PYHIN1: variants seen among roughly 807,000 people sequenced by gnomAD.
PYHIN1 encodes pyrin and HIN domain family member 1.
In PYHIN1, 32 loss-of-function variants were observed where a neutral mutation model predicts 43.7. That is an observed-to-expected ratio of 0.73 (90% CI 0.55 to 0.98). The LOEUF (loss-of-function observed/expected upper bound fraction) is 0.98. PYHIN1 is among the 50% of genes least tolerant of loss of function. PYHIN1 has a pLI of 0.00. For synonymous variants in PYHIN1, 205 were observed against 203.1 expected (o/e 1.01, Z -0.08); for missense variants, 588 against 589.5 (o/e 1.00, Z 0.03).
Position 158,944,862 on chromosome 1 carries a change from T to G in PYHIN1, c.1192-13T>G. 1.3e-6 allele frequency: 2 copies of G among 1,529,480 alleles called. No homozygotes were observed. The highest frequency in any genetic ancestry group is 1.3e-5 in the South Asian group (1 of 78,116). 94.7% of individuals were successfully genotyped at this position (1,529,480 alleles called of 1,614,324 possible). A position where few individuals can be genotyped will look rare whatever the true frequency, so the allele number is the denominator to read the frequency against. On this transcript the variant is annotated splice_polypyrimidine_tract_variant and intron_variant, in intron 6 of 8. Transcript: ENST00000368140. The stretch of plus-strand genomic sequence containing the variant: ...TATTAAAAAACATTAAACAAAAAAA[T>G]GAATACTTTCAGATACAGAAAAATA...
chr1:158,958,537 A>G (rs1018687695), intron 7 of PYHIN1, among the ~76,000 whole-genome samples: 1 of 144,932 alleles, frequency 6.9e-6, no homozygotes, highest in Non-Finnish European at 1.5e-5. Flanking sequence ...ATTCTCACTC[A>G]TAGGTAGGAA....
At chr1:158,949,544 C>T (rs1649415460) in intron 7 of PYHIN1, among the ~76,000 whole-genome samples, 1 of 130,350 alleles carries the variant, frequency 7.7e-6, no homozygotes, top group Admixed American at 8.4e-5. Context: ...CCCCCCACCC[C>T]ACAACAGTCC....
At chr1:158,960,803 T>G (rs957731641) in intron 7 of PYHIN1, among the ~76,000 whole-genome samples, 5 of 152,260 alleles carry the variant, frequency 3.3e-5, no homozygotes, top group African/African-American at 1.2e-4. Flanking sequence ...TTTAATAATT[T>G]AAAATACTAG....
At chr1:158,961,707 C>A (rs1049576918) in intron 7 of PYHIN1, among the ~76,000 whole-genome samples, 13 of 152,072 alleles carry the variant, frequency 8.5e-5, no homozygotes, top group Non-Finnish European at 1.8e-4. Flanking sequence ...CAGGAGATAC[C>A]CCTATGAGAC....
chr1:158,958,507 C>T (rs531908823), intron 7 of PYHIN1, among the ~76,000 whole-genome samples: 131 of 144,986 alleles, frequency 9.0e-4, no homozygotes, highest in African/African-American at 3.0e-3. Context: ...ATCGCAAGAA[C>T]AAAAAACCAA....
intron 7 of PYHIN1, among the ~76,000 whole-genome samples, chr1:158,970,256 G>C (rs1557844297): frequency 1.3e-5 from 2 of 151,972 alleles, no homozygotes; most frequent in Non-Finnish European, 2.9e-5. Flanking sequence ...TTCTGCTTCT[G>C]TAATGAAAAT....
intron 7 of PYHIN1, among the ~76,000 whole-genome samples, chr1:158,965,364 C>T (rs1243739795): frequency 6.6e-6 from 1 of 152,060 alleles, no homozygotes; most frequent in Non-Finnish European, 1.5e-5. Flanking sequence ...CAAAGATATT[C>T]AGGAACTGCA....
chr1:158,952,632 G>A (rs1284158798), intron 7 of PYHIN1, among the ~76,000 whole-genome samples: 1 of 152,048 alleles, frequency 6.6e-6, no homozygotes, highest in African/African-American at 2.4e-5. Flanking sequence ...CCCTTTTTAG[G>A]CTCTTCTGGT....
chr1:158,978,707 A>G (rs1037434783), downstream of PYHIN1, among the ~76,000 whole-genome samples: 4 of 152,108 alleles, frequency 2.6e-5, no homozygotes. Flanking sequence ...CTGAAATTTT[A>G]ACTTCTAAGG....
At chr1:158,965,066 G>GAA (rs1005764786) in intron 7 of PYHIN1, among the ~76,000 whole-genome samples, 14 of 142,278 alleles carry the variant, frequency 9.8e-5, no homozygotes, top group African/African-American at 3.4e-4. Flanking sequence ...ATAGAAAGCA[G>GAA]AAAAAAAAAA....
At chr1:158,938,614 T>G (rs1648711719) in intron 3 of PYHIN1, 72 bp downstream of exon 3, 3 of 1,466,238 alleles carry the variant, frequency 2.0e-6, no homozygotes, top group Non-Finnish European at 2.8e-6. Flanking sequence ...CCACTCAATC[T>G]GTCCAGCAGG....
the PYHIN1 span, among the ~76,000 whole-genome samples, chr1:158,985,840 C>T: frequency 4.6e-5 from 7 of 152,058 alleles, no homozygotes; most frequent in East Asian, 1.9e-4. Flanking sequence ...CTTGAAGTTT[C>T]GTTCATATTT....
At chr1:158,974,287 A>G (rs912160415) in intron 8 of PYHIN1, among the ~76,000 whole-genome samples, 9 of 152,002 alleles carry the variant, frequency 5.9e-5, no homozygotes, top group Non-Finnish European at 1.2e-4. Flanking sequence ...TACTGCACTG[A>G]TATTCTCCTC....
intron 1 of PYHIN1, among the ~76,000 whole-genome samples, chr1:158,936,683 G>T (rs1319055143): frequency 6.6e-6 from 1 of 152,138 alleles, no homozygotes; most frequent in Non-Finnish European, 1.5e-5. Flanking sequence ...ATTAGGTATT[G>T]ATGGGACGTA....
chr1:158,985,173 T>C, the PYHIN1 span, among the ~76,000 whole-genome samples: 1 of 152,186 alleles, frequency 6.6e-6, no homozygotes, highest in African/African-American at 2.4e-5. Context: ...AATATTGATA[T>C]GTAAGGATTT....
In PYHIN1 at chr1:158,933,201, C is replaced by A. The variant is rs1648271554; in HGVS notation, c.-21+1425C>A. On this transcript the variant is annotated intron_variant, in intron 1 of 8. Coordinates refer to ENST00000368140, the MANE Select transcript of PYHIN1 (RefSeq NM_152501.5). The surrounding 1 kb of genome is among the most constrained non-coding windows in gnomAD (Gnocchi z 6.3). ...TATATTATGTGTGTATGTGATCATG[C>A]ATACATGTTTCCAAACATAAACATA... is the stretch of plus-strand genomic sequence containing the variant. 6.6e-6 allele frequency among the ~76,000 whole-genome samples: 1 copy of A among 151,450 alleles called. No homozygotes were observed.
chr1:158,953,345 G>C (rs1048868995), intron 7 of PYHIN1, among the ~76,000 whole-genome samples: 5 of 150,392 alleles, frequency 3.3e-5, no homozygotes, highest in African/African-American at 1.2e-4. Flanking sequence ...AGACTTAAAT[G>C]TCCCTGTCTG....
At chr1:158,955,506 G>A (rs1649863499) in intron 7 of PYHIN1, among the ~76,000 whole-genome samples, 1 of 152,054 alleles carries the variant, frequency 6.6e-6, no homozygotes, top group African/African-American at 2.4e-5. Flanking sequence ...ATGACTACTG[G>A]ATACGTAGTG....
In PYHIN1 at chr1:158,943,893, G is replaced by A; in HGVS notation, c.1106G>A (p.Gly369Glu). 2.5e-6 allele frequency: 4 copies of A among 1,610,452 alleles called. No individual in the cohort carries two copies. Among genetic ancestry groups the A allele is most frequent in the Non-Finnish European group, 3.4e-6 (4 of 1,177,408 alleles). The change falls in exon 6 of 9, where the codon GGA (glycine) becomes GAA (glutamate). Residue 369 changes from glycine to glutamate, a missense_variant. By Grantham distance (98) the Gly-to-Glu change is moderately conservative. Coordinates refer to ENST00000368140, the MANE Select transcript of PYHIN1 (RefSeq NM_152501.5). ...GECHNIPCEK[G>E]DKLRLFCFRL... ...TGCCACAATATCCCCTGTGAAAAAG[G>A]AGATAAGCTTCGACTCTTCTGCTTT...
Sources: gnomAD v4.1 joint callset for allele counts (sites outside exome capture counted in the v4.1 genomes callset) on GRCh38, gnomAD v4.1.1 for gene constraint, Gnocchi (gnomAD v3.1) non-coding constraint, MANE v1.5 for transcripts, NCBI Gene and HGNC (gene_info 2026-07-23, HGNC 2026-07-21) for gene names.